Variants in TBC1D2B observed in about 807,000 individuals in gnomAD.
TBC1D2B encodes TBC1 domain family member 2B.
A neutral mutation model predicts 100.8 loss-of-function variants in TBC1D2B; 64 were observed. The ratio of observed to expected loss-of-function variants is 0.64; its 90% CI spans 0.52 to 0.78. The LOEUF (loss-of-function observed/expected upper bound fraction) is 0.78. Ranked by LOEUF, TBC1D2B falls within the 30% of genes least tolerant of loss-of-function variation. TBC1D2B has a pLI of 0.00. For missense variants in TBC1D2B, 1,052 were observed against 1,218.4 expected, an observed-to-expected ratio of 0.86 and a Z score of 2.03; for synonymous variants, 480 against 479.7, an observed-to-expected ratio of 1.00 and a Z score of -0.01.
At chr15:78,064,855 T>A (rs932932770) in intron 1 of TBC1D2B, among the ~76,000 whole-genome samples, 1 of 152,200 alleles carries the variant, frequency 6.6e-6, no homozygotes, top group Non-Finnish European at 1.5e-5. Flanking sequence ...TCCTGGCTCC[T>A]TGGAAAATGG....
chr15:78,023,923 G>A (rs1362589280), intron 6 of TBC1D2B, among the ~76,000 whole-genome samples: 1 of 152,198 alleles, frequency 6.6e-6, no homozygotes, highest in African/African-American at 2.4e-5. Context: ...CTGAAAACAA[G>A]GGAGGGGAAG....
intron 1 of TBC1D2B, among the ~76,000 whole-genome samples, chr15:78,067,153 A>G (rs544977238): frequency 5.9e-5 from 9 of 152,222 alleles, no homozygotes; most frequent in Admixed American, 2.0e-4. Flanking sequence ...GAGAAGGAGA[A>G]GGTTTCAGTG....
chr15:78,008,122 G>A lies in TBC1D2B; in HGVS notation c.2388+875C>T, dbSNP rs546667677. On this transcript the variant is annotated intron_variant, in intron 10 of 12. Coordinates refer to ENST00000300584, the MANE Select transcript of TBC1D2B (RefSeq NM_144572.2). The stretch of plus-strand genomic sequence containing the variant: ...GGCCACATGCGAAGGGCCGGCTTAC[G>A]GGGAAGCCAGTGCTGGCAGCAGCCC... 3.0e-4 allele frequency among the ~76,000 whole-genome samples: 45 copies of A among 152,354 alleles called. No individual in the cohort carries two copies. In the South Asian group the frequency reaches 8.9e-3, roughly 30 times the overall value.
intron 1 of TBC1D2B, among the ~76,000 whole-genome samples, chr15:78,061,819 TC>T (rs1191086670): frequency 1.3e-5 from 2 of 152,028 alleles, no homozygotes; most frequent in African/African-American, 4.8e-5. Context: ...AAAATTAAGT[TC>T]CTGTCTCTTT....
intron 2 of TBC1D2B, among the ~76,000 whole-genome samples, chr15:78,052,402 G>C (rs2073332248): frequency 6.6e-6 from 1 of 152,116 alleles, no homozygotes; most frequent in Non-Finnish European, 1.5e-5. Context: ...TGAGGAGAGG[G>C]ACAAAGCTCA....
intron 1 of TBC1D2B, 22 bp from the exon 2 acceptor site, chr15:78,054,209 A>G (rs1596326229): frequency 1.2e-6 from 2 of 1,606,978 alleles, no homozygotes; most frequent in South Asian, 1.1e-5. Flanking sequence ...GAGGGGAAAA[A>G]CATGTTATGG....
chr15:77,998,486 T>TAGGGGATG (rs2071824389), intron 12 of TBC1D2B, 131 bp from the exon 13 acceptor site: 2 of 792,282 alleles, frequency 2.5e-6, no homozygotes, highest in African/African-American at 3.5e-5. Flanking sequence ...GGGCCTGATG[T>TAGGGGATG]AGGGGATGAG....
intron 2 of TBC1D2B, among the ~76,000 whole-genome samples, chr15:78,046,617 C>T (rs536545639): frequency 2.6e-5 from 4 of 152,080 alleles, no homozygotes; most frequent in South Asian, 2.1e-4. Context: ...CAGGCACGCA[C>T]GATGCCCAGC....
chr15:78,061,606 A>C (rs2073548104), intron 1 of TBC1D2B, among the ~76,000 whole-genome samples: 1 of 148,562 alleles, frequency 6.7e-6, no homozygotes, highest in Admixed American at 6.7e-5. Context: ...TATATATTAT[A>C]TATAATAGCA....
rs902872854 is a variant in TBC1D2B, at chr15:78,045,211, T to A, written c.515-143A>T. 7.1e-6 allele frequency: 5 copies of A among 700,068 alleles called. No homozygotes were observed. In the African/African-American group the frequency reaches 8.9e-5, roughly 12 times the overall value. 43.4% of individuals were successfully genotyped at this position (700,068 alleles called of 1,614,324 possible). A position where few individuals can be genotyped will look rare whatever the true frequency, so the allele number is the denominator to read the frequency against. ...TTTTAATGTATACTACATAAAAACA[T>A]AATCTGTGGGTAACTCTGATGTTCT... On this transcript the variant is annotated intron_variant, in intron 2 of 12. Coordinates refer to ENST00000300584, the MANE Select transcript of TBC1D2B (RefSeq NM_144572.2).
chr15:78,009,236 C>T, intron 9 of TBC1D2B, 122 bp from the exon 10 acceptor site: 2 of 668,574 alleles, frequency 3.0e-6, no homozygotes, highest in East Asian at 2.7e-5. Flanking sequence ...TCTAGTTCTC[C>T]AATAAAGAAT....
chr15:78,003,711 T>C, intron 10 of TBC1D2B: 1 of 487,042 alleles, frequency 2.1e-6, no homozygotes, highest in Non-Finnish European at 3.7e-6. Context: ...CTGAACAGCA[T>C]GCTTTCCACA....
chr15:78,011,216 T>TA (rs2072214414), intron 9 of TBC1D2B, among the ~76,000 whole-genome samples: 1 of 152,172 alleles, frequency 6.6e-6, no homozygotes, highest in African/African-American at 2.4e-5. Flanking sequence ...GACAATGACT[T>TA]ACTGAAAACC....
chr15:78,000,904 C>T (rs888888674), intron 12 of TBC1D2B, among the ~76,000 whole-genome samples: 1 of 152,348 alleles, frequency 6.6e-6, no homozygotes, highest in South Asian at 2.1e-4. Context: ...AGGCCACCAC[C>T]TCTCCCCCTA....
At chr15:78,014,413 T>C (rs1380217938) in intron 8 of TBC1D2B, among the ~76,000 whole-genome samples, 2 of 152,252 alleles carry the variant, frequency 1.3e-5, no homozygotes, top group Non-Finnish European at 2.9e-5. Context: ...GTATTTTCTA[T>C]ACACTAGGAA....
chr15:78,042,587 C>T (rs1416245973), intron 3 of TBC1D2B, among the ~76,000 whole-genome samples: 1 of 152,146 alleles, frequency 6.6e-6, no homozygotes, highest in Non-Finnish European at 1.5e-5. Context: ...GCTGCAGGTA[C>T]CTAGGGAAGG....
intron 2 of TBC1D2B, among the ~76,000 whole-genome samples, chr15:78,048,387 A>G (rs1348256): frequency 0.89 from 135,192 of 152,158 alleles, 60,771 homozygotes; most frequent in East Asian, 0.99. Flanking sequence ...AGCATGCAGG[A>G]AACCGCCTCA....
intron 5 of TBC1D2B, among the ~76,000 whole-genome samples, chr15:78,025,026 C>T (rs2072621882): frequency 6.6e-6 from 1 of 152,070 alleles, no homozygotes; most frequent in Admixed American, 6.5e-5. Context: ...CCTCTGTCCT[C>T]CTTTGAGAGA....
chr15:78,042,626 C>T (rs1391481266), intron 3 of TBC1D2B, among the ~76,000 whole-genome samples: 2 of 152,166 alleles, frequency 1.3e-5, no homozygotes, highest in East Asian at 1.9e-4. Flanking sequence ...CGGATGACCC[C>T]TCCCCATCCC....
Sources: allele counts gnomAD v4.1 joint callset (sites outside exome capture counted in the v4.1 genomes callset), GRCh38; gene constraint gnomAD v4.1.1; transcripts MANE v1.5; gene names NCBI Gene and HGNC (gene_info 2026-07-23, HGNC 2026-07-21).